UNC5D: variants seen among roughly 807,000 people sequenced by gnomAD.
UNC5D encodes the protein netrin receptor UNC5D.
Under a neutral mutation model 105.4 loss-of-function variants are expected in UNC5D, and 39 were observed. That is an observed-to-expected ratio of 0.37 (90% CI 0.29 to 0.48). The LOEUF (loss-of-function observed/expected upper bound fraction) is 0.48. Among genes scored for constraint, UNC5D ranks in the 20% least tolerant of loss-of-function variants. The pLI, the probability that UNC5D is intolerant of heterozygous loss-of-function variation, is 0.98. For synonymous variants in UNC5D, 452 were observed against 450.4 expected (o/e 1.00, Z -0.04); for missense variants, 991 against 1,202.4 (o/e 0.82, Z 2.60).
intron 1 of UNC5D, among the ~76,000 whole-genome samples, chr8:35,435,637 A>G (rs1806956801): frequency 6.6e-6 from 1 of 152,146 alleles, no homozygotes; most frequent in African/African-American, 2.4e-5. Context: ...TAAAATGAAA[A>G]TAACTCATAA....
intron 3 of UNC5D, among the ~76,000 whole-genome samples, chr8:35,583,803 C>T (rs1818605944): frequency 6.6e-6 from 1 of 152,140 alleles, no homozygotes. Context: ...TTCAGCTGTC[C>T]TTTATGTATT....
chr8:35,651,769 G>A (rs983017087), intron 4 of UNC5D, among the ~76,000 whole-genome samples: 5 of 152,012 alleles, frequency 3.3e-5, no homozygotes, highest in African/African-American at 2.4e-5. Flanking sequence ...ACACTCTTCT[G>A]GGTCTTGCTT....
chr8:35,689,110 T>A (rs1826221734), intron 7 of UNC5D, among the ~76,000 whole-genome samples: 2 of 152,206 alleles, frequency 1.3e-5, no homozygotes, highest in African/African-American at 4.8e-5. Context: ...GTCATAGTAA[T>A]AACCTTCACT....
At chr8:35,393,670 C>T (rs772519766) in intron 1 of UNC5D, among the ~76,000 whole-genome samples, 1 of 152,114 alleles carries the variant, frequency 6.6e-6, no homozygotes, top group Non-Finnish European at 1.5e-5. Flanking sequence ...TTGAAAAGCA[C>T]CAGTGACAAG....
chr8:35,527,046 T>A (rs1813928457), intron 1 of UNC5D, among the ~76,000 whole-genome samples: 1 of 152,218 alleles, frequency 6.6e-6, no homozygotes, highest in Non-Finnish European at 1.5e-5. Context: ...GAAAAGATTT[T>A]TTAAAAAATG....
At chr8:35,507,160 A>G (rs1314820427) in intron 1 of UNC5D, among the ~76,000 whole-genome samples, 2 of 137,358 alleles carry the variant, frequency 1.5e-5, no homozygotes, top group Admixed American at 1.7e-4. Flanking sequence ...GGTTCACGCC[A>G]TTCTCCTGCC....
chr8:35,589,186 T>A (rs1337368673), intron 3 of UNC5D, among the ~76,000 whole-genome samples: 1 of 152,200 alleles, frequency 6.6e-6, no homozygotes, highest in Non-Finnish European at 1.5e-5. Flanking sequence ...GTAGAGATCA[T>A]GTACTCCACT....
chr8:35,701,239 C>G (rs1277172502), intron 7 of UNC5D, among the ~76,000 whole-genome samples: 2 of 152,094 alleles, frequency 1.3e-5, no homozygotes, highest in East Asian at 3.9e-4. Flanking sequence ...TGACATAGGC[C>G]CTGGTATCAA....
intron 16 of UNC5D, among the ~76,000 whole-genome samples, chr8:35,781,843 C>T (rs1311360048): frequency 6.6e-6 from 1 of 152,194 alleles, no homozygotes; most frequent in African/African-American, 2.4e-5. Context: ...GGATCCAGGG[C>T]TCTCATACAT....
intron 16 of UNC5D, among the ~76,000 whole-genome samples, chr8:35,776,473 G>T (rs191057309): frequency 2.0e-4 from 31 of 152,248 alleles, no homozygotes; most frequent in African/African-American, 7.2e-4. Context: ...GACCTTGCAC[G>T]GTAGGGAAAA....
intron 11 of UNC5D, among the ~76,000 whole-genome samples, chr8:35,740,014 G>A (rs1436614): frequency 0.051 from 7,613 of 150,286 alleles, 514 homozygotes; most frequent in African/African-American, 0.16. Flanking sequence ...TGCAAATTAC[G>A]GTGGGTGTTC....
At chr8:35,272,922 A>T (rs1484618121) in intron 1 of UNC5D, among the ~76,000 whole-genome samples, 1 of 152,244 alleles carries the variant, frequency 6.6e-6, no homozygotes, top group Non-Finnish European at 1.5e-5. Flanking sequence ...TGAGCTACTT[A>T]TTAAACAGTA....
At chr8:35,438,162 G>A (rs1016371288) in intron 1 of UNC5D, among the ~76,000 whole-genome samples, 8 of 152,008 alleles carry the variant, frequency 5.3e-5, no homozygotes, top group African/African-American at 1.9e-4. Flanking sequence ...AAGCCTCACA[G>A]AAGGCAATAT....
At chr8:35,433,460 T>A (rs1422045096) in intron 1 of UNC5D, among the ~76,000 whole-genome samples, 2 of 152,134 alleles carry the variant, frequency 1.3e-5, no homozygotes, top group Non-Finnish European at 2.9e-5. Flanking sequence ...AATGGTAACT[T>A]ACACAAGTTT....
intron 1 of UNC5D, among the ~76,000 whole-genome samples, chr8:35,247,280 T>A (rs980052778): frequency 6.6e-6 from 1 of 151,316 alleles, no homozygotes; most frequent in Non-Finnish European, 1.5e-5. Flanking sequence ...ACAGAGATTT[T>A]TTTTTTTTCC....
intron 9 of UNC5D, among the ~76,000 whole-genome samples, chr8:35,724,909 T>C (rs375612599): frequency 1.3e-5 from 2 of 152,258 alleles, no homozygotes; most frequent in East Asian, 1.9e-4. Flanking sequence ...TGATGGTACC[T>C]GGGTCTTGAT....
chr8:35,329,143 G>A (rs779061302), intron 1 of UNC5D, among the ~76,000 whole-genome samples: 1 of 151,972 alleles, frequency 6.6e-6, no homozygotes, highest in Non-Finnish European at 1.5e-5. Flanking sequence ...TAAAATAGAT[G>A]TTATTACTTC....
At chr8:35,326,234 C>T (rs1810150385) in intron 1 of UNC5D, among the ~76,000 whole-genome samples, 1 of 152,210 alleles carries the variant, frequency 6.6e-6, no homozygotes, top group African/African-American at 2.4e-5. Flanking sequence ...AAGTTCCCTC[C>T]AACTCTGGAA....
intron 1 of UNC5D, among the ~76,000 whole-genome samples, chr8:35,386,869 T>C (rs1316708603): frequency 2.6e-5 from 4 of 152,176 alleles, no homozygotes; most frequent in African/African-American, 9.7e-5. Context: ...GCTTTTTTTA[T>C]TTTTTATTTT....
Sources: gnomAD v4.1 joint callset for allele counts (sites outside exome capture counted in the v4.1 genomes callset) on GRCh38, gnomAD v4.1.1 for gene constraint, MANE v1.5 for transcripts, NCBI Gene and HGNC (gene_info 2026-07-23, HGNC 2026-07-21) for gene names.